Variants in POLR2B observed in about 807,000 individuals in gnomAD.
POLR2B encodes the protein DNA-directed RNA polymerase II subunit RPB2.
A neutral mutation model predicts 144.6 loss-of-function variants in POLR2B; 57 were observed. The ratio of observed to expected loss-of-function variants is 0.39; its 90% confidence interval spans 0.32 to 0.49. POLR2B has a LOEUF of 0.49. Among genes scored for constraint, POLR2B ranks in the 20% least tolerant of loss-of-function variants. POLR2B has a pLI of 0.83. For missense variants in POLR2B, 595 were observed against 1,467.4 expected (o/e 0.41, Z 9.71); for synonymous variants, 442 against 469.8 (o/e 0.94, Z 0.77).
chr4:57,030,523 G>C, intron 24 of POLR2B, 124 bp downstream of exon 24: 1 of 666,562 alleles, frequency 1.5e-6, no homozygotes. Flanking sequence ...GCATGCTTCT[G>C]TGAGATTCCG....
chr4:56,979,020 A>G lies in POLR2B; in HGVS notation c.19+16A>G, dbSNP rs962780763. ...GCGGATGAGGGTAGGTGAACGCTCA[A>G]AACACACGCCGTGGCGGTCCATTTA... On this transcript the variant is annotated intron_variant, in intron 1 of 24. Transcript: ENST00000314595. The G allele has an allele frequency of 6.2e-7, 1 of 1,612,638 alleles. No homozygotes were observed. Among genetic ancestry groups the G allele is most frequent in the Admixed American group, 1.7e-5 (1 of 60,028 alleles).
intron 16 of POLR2B, among the ~76,000 whole-genome samples, chr4:57,020,682 T>C (rs1333382101): frequency 2.0e-5 from 3 of 152,016 alleles, no homozygotes; most frequent in African/African-American, 7.3e-5. Flanking sequence ...ACATTGGGAG[T>C]GACTAGTCCT....
chr4:57,021,390 G>T (rs943587814), intron 17 of POLR2B, among the ~76,000 whole-genome samples: 2 of 151,824 alleles, frequency 1.3e-5, no homozygotes, highest in African/African-American at 4.8e-5. Context: ...TAAAAACTGG[G>T]AATTTAGTAG....
chr4:57,030,644 G>T, intron 24 of POLR2B: 1 of 548,058 alleles, frequency 1.8e-6, no homozygotes, highest in Non-Finnish European at 3.2e-6. Context: ...CTTTGTACAA[G>T]GGATTTTAAA....
Position 57,023,263 on chromosome 4 carries a change from G to C in POLR2B, c.2516-67G>C. The C allele has an allele frequency of 1.3e-6, 2 of 1,534,572 alleles. No homozygotes were observed. The highest frequency in any genetic ancestry group is 1.8e-6 in the Non-Finnish European group (2 of 1,117,658). On this transcript the variant is annotated intron_variant, in intron 18 of 24. Transcript: ENST00000314595. The surrounding 1 kb of genome is among the most constrained non-coding windows in gnomAD (Gnocchi z 4.3). Reference sequence around the variant, plus strand: ...GTGGCCTTCTCTCTGACTTGGAACTGATTCATGTATGTGGTTTTTAATCTT... The same window carrying C: ...GTGGCCTTCTCTCTGACTTGGAACTCATTCATGTATGTGGTTTTTAATCTT...
intron 2 of POLR2B, among the ~76,000 whole-genome samples, chr4:56,988,499 CTCTT>C (rs1722402294): frequency 6.6e-6 from 1 of 151,912 alleles, no homozygotes; most frequent in Non-Finnish European, 1.5e-5. Flanking sequence ...CCCTGTCTAT[CTCTT>C]TTTTTTTTAA....
intron 1 of POLR2B, among the ~76,000 whole-genome samples, chr4:56,979,224 C>T (rs1314841348): frequency 6.6e-6 from 1 of 152,196 alleles, no homozygotes; most frequent in Non-Finnish European, 1.5e-5. Flanking sequence ...CTGCTGCTCT[C>T]TGCACTTTCT....
At chr4:56,979,102 G>C (rs552155055) in intron 1 of POLR2B, 98 bp downstream of exon 1, 1 of 1,243,678 alleles carries the variant, frequency 8.0e-7, no homozygotes, top group Admixed American at 1.7e-5. Flanking sequence ...CCCATGCGCC[G>C]GCTGCACAGT....
intron 22 of POLR2B, 59 bp from the exon 23 acceptor site, chr4:57,025,318 A>G: frequency 8.3e-7 from 1 of 1,207,422 alleles, no homozygotes; most frequent in Non-Finnish European, 1.2e-6. Flanking sequence ...ATATACACAT[A>G]TCTTCTTTGA....
At chr4:57,020,841 G>C (rs1723518986) in intron 16 of POLR2B, 58 bp from the exon 17 acceptor site, 1 of 896,902 alleles carries the variant, frequency 1.1e-6, no homozygotes, top group South Asian at 1.3e-5. Flanking sequence ...TTTAAAGAAA[G>C]GGCAGTTTTT....
intron 6 of POLR2B, among the ~76,000 whole-genome samples, chr4:56,996,262 G>GTATATA (rs1162674771): frequency 5.6e-5 from 5 of 88,888 alleles, no homozygotes; most frequent in African/African-American, 9.5e-5. Flanking sequence ...GTGTGTGTGT[G>GTATATA]TATATATATA....
At chr4:57,001,467 G>T (rs554451367) in intron 7 of POLR2B, among the ~76,000 whole-genome samples, 1 of 152,302 alleles carries the variant, frequency 6.6e-6, no homozygotes, top group South Asian at 2.1e-4. Flanking sequence ...GGCCTCCTCG[G>T]CCTTTCTTTG....
chr4:57,007,098 C>A, intron 10 of POLR2B, 96 bp downstream of exon 10: 1 of 940,712 alleles, frequency 1.1e-6, no homozygotes, highest in South Asian at 1.8e-5. Context: ...TTTTGCTTTT[C>A]TTTCTTGGTC....
At position 57,024,957 on chromosome 4, in the gene POLR2B, T is replaced by G. The variant is rs1041368545; in HGVS notation, c.3036T>G (p.Ser1012=). 14 of 1,594,104 alleles carry G rather than the reference T, an allele frequency of 8.8e-6. No homozygotes were observed. The highest frequency in any genetic ancestry group is 1.2e-5 in the Non-Finnish European group (14 of 1,163,906). The change falls in exon 22 of 25, where the codon TCT becomes TCG. Residue 1012 remains serine (S), a synonymous_variant. Coordinates refer to ENST00000314595, the MANE Select transcript of POLR2B (RefSeq NM_000938.3). Reference sequence around the variant, plus strand: ...ATGCTGTTAACGTGCAGAAGATTTCTAATCTTTTATCTGATTATGGCTATC... The same window carrying G: ...ATGCTGTTAACGTGCAGAAGATTTCGAATCTTTTATCTGATTATGGCTATC... ...FNDAVNVQKI[S]NLLSDYGYHL...
chr4:56,999,214 T>C (rs1479223829), intron 6 of POLR2B, among the ~76,000 whole-genome samples: 14 of 2,332 alleles, frequency 6.0e-3, no homozygotes, highest in East Asian at 0.33. Flanking sequence ...TATTGTCTCT[T>C]TTTTTTTTTT....
chr4:56,983,791 C>T (rs1236555139), intron 1 of POLR2B, among the ~76,000 whole-genome samples: 1 of 151,182 alleles, frequency 6.6e-6, no homozygotes, highest in African/African-American at 2.4e-5. Flanking sequence ...CTGACATGAG[C>T]CACTGCACCT....
At chr4:57,002,281 G>T (rs909980879) in intron 7 of POLR2B, among the ~76,000 whole-genome samples, 1 of 151,972 alleles carries the variant, frequency 6.6e-6, no homozygotes, top group East Asian at 1.9e-4. Flanking sequence ...CACCATCCTC[G>T]GGCTCCTGAA....
In POLR2B at chr4:57,025,401, C is replaced by G; in HGVS notation, c.3103C>G (p.Arg1035Gly). ...GGTCCTGTACAATGGGTTCACTGGTCGAAAAATCACATCACAAATATTTAT... is the reference window on the plus strand; with the variant it reads ...GGTCCTGTACAATGGGTTCACTGGTGGAAAAATCACATCACAAATATTTAT... ...NEVLYNGFTG[R>G]KITSQIFIGP... The change falls in exon 23 of 25, where the codon CGA becomes GGA. Residue 1035 changes from arginine (R) to glycine (G), a missense_variant. Coordinates refer to ENST00000314595, the MANE Select transcript of POLR2B (RefSeq NM_000938.3). The G allele has an allele frequency of 5.0e-6, 8 of 1,613,330 alleles. No homozygotes were observed. Among genetic ancestry groups the G allele is most frequent in the Non-Finnish European group, 6.8e-6 (8 of 1,179,366 alleles).
chr4:56,996,444 C>A (rs1274553359), intron 6 of POLR2B, among the ~76,000 whole-genome samples: 1 of 150,282 alleles, frequency 6.7e-6, no homozygotes. Flanking sequence ...CCGCGCCCGG[C>A]TAATTTTTTT....
Sources: allele counts gnomAD v4.1 joint callset (sites outside exome capture counted in the v4.1 genomes callset), GRCh38; gene constraint gnomAD v4.1.1; non-coding constraint Gnocchi (gnomAD v3.1); transcripts MANE v1.5; gene names NCBI Gene and HGNC (gene_info 2026-07-23, HGNC 2026-07-21).